TAFA2: variants seen among roughly 807,000 people sequenced by gnomAD.
TAFA2 encodes TAFA chemokine like family member 2, also known as chemokine-like protein TAFA-2.
Under a neutral mutation model 18.8 loss-of-function variants are expected in TAFA2, and 7 were observed. The observed-to-expected ratio is 0.37, with a 90% CI of 0.21 to 0.70. The LOEUF (loss-of-function observed/expected upper bound fraction) is 0.70, where lower values mean the gene tolerates loss of function less well. TAFA2 is among the 30% of genes least tolerant of loss of function. TAFA2 has a pLI of 0.53. For missense variants in TAFA2, 122 were observed against 158.1 expected (o/e 0.77, Z 1.23); for synonymous variants, 60 against 54.2 (o/e 1.11, Z -0.47).
At chr12:61,823,711 C>CTA (rs1425631064) in intron 2 of TAFA2, among the ~76,000 whole-genome samples, 8 of 152,172 alleles carry the variant, frequency 5.3e-5, no homozygotes, top group African/African-American at 1.7e-4. Context: ...CCTTCCCCCT[C>CTA]CAAACCCACC....
chr12:61,781,599 G>C (rs2120886544), intron 2 of TAFA2, among the ~76,000 whole-genome samples: 1 of 151,756 alleles, frequency 6.6e-6, no homozygotes, highest in South Asian at 2.1e-4. Context: ...GTGTTTGTGT[G>C]TGTATGTGTG....
intron 1 of TAFA2, among the ~76,000 whole-genome samples, chr12:62,140,787 T>C (rs2062234437): frequency 6.6e-6 from 1 of 152,040 alleles, no homozygotes; most frequent in African/African-American, 2.4e-5. Flanking sequence ...CAGAAGTAGG[T>C]TTTATGTCCT....
chr12:61,885,929 C>T (rs1020954209), intron 1 of TAFA2, among the ~76,000 whole-genome samples: 2 of 152,024 alleles, frequency 1.3e-5, no homozygotes, highest in African/African-American at 4.8e-5. Context: ...GTTTTTTATT[C>T]CTGTGCACAT....
intron 1 of TAFA2, chr12:62,258,567 T>C (rs148827889): frequency 2.9e-5 from 5 of 171,788 alleles, no homozygotes; most frequent in African/African-American, 1.2e-4. Context: ...ATTCACATAC[T>C]GTACAATTCA....
chr12:61,833,052 A>G (rs1842102120), intron 2 of TAFA2, among the ~76,000 whole-genome samples: 1 of 146,962 alleles, frequency 6.8e-6, no homozygotes, highest in Non-Finnish European at 1.5e-5. Context: ...TATATAATGT[A>G]TAAATAAATA....
At position 62,234,598 on chromosome 12, in the gene TAFA2, C is replaced by T. The variant is rs1459220525; in HGVS notation, c.-130+24165G>A. 2.9e-5 allele frequency: 24 copies of T among 823,056 alleles called. No homozygotes were observed. The Middle Eastern group carries it at 6.6e-4, about 23-fold the overall frequency. 51.0% of individuals were successfully genotyped at this position (823,056 alleles called of 1,614,324 possible). ...GAAGAAAGACCATAAACACCTTTCCCGTTGCACAAATAGGGCCTCTCACCC... is the reference window on the plus strand; with the variant it reads ...GAAGAAAGACCATAAACACCTTTCCTGTTGCACAAATAGGGCCTCTCACCC... On this transcript the variant is annotated intron_variant, in intron 1 of 5. Coordinates refer to the TAFA2 transcript ENST00000551619.
rs141477931 is a variant in TAFA2 at position 61,888,244 on chromosome 12, G to A, written c.-1-20818C>T. Among the ~76,000 whole-genome samples, 674 of 152,230 alleles carry A rather than the reference G, an allele frequency of 4.4e-3. 18 individuals are homozygous for A. The East Asian group carries it at 0.076, about 17-fold the overall frequency. On this transcript the variant is annotated intron_variant, in intron 1 of 4. Transcript: ENST00000416284. ...CCCATTACTGGGTATATACCCAAAG[G>A]ACTATAAATCATGCTGCTAATTGCT...
rs77772787 is a variant in TAFA2, at chr12:62,023,353, A to G, written c.-1-155927T>C. Among the ~76,000 whole-genome samples, 1,185 of 152,268 alleles carry G rather than the reference A, an allele frequency of 7.8e-3. 17 individuals carry two copies. Among genetic ancestry groups the G allele is most frequent in the African/African-American group, 0.027 (1,127 of 41,544 alleles). ...ATAAAAGGTGCAGGAAATTTTTTAT[A>G]CATCTAAATATTTTTTCTGTTAGAT... On this transcript the variant is annotated intron_variant, in intron 1 of 4. Coordinates refer to ENST00000416284, the MANE Select transcript of TAFA2 (RefSeq NM_178539.5).
chr12:62,128,307 T>G (rs945586260), intron 1 of TAFA2, among the ~76,000 whole-genome samples: 3 of 152,094 alleles, frequency 2.0e-5, no homozygotes, highest in African/African-American at 7.2e-5. Context: ...TGCTTGTTAT[T>G]GTTAACTGTG....
chr12:62,232,698 G>C (rs540089151), intron 1 of TAFA2, among the ~76,000 whole-genome samples: 85 of 152,228 alleles, frequency 5.6e-4, no homozygotes, highest in African/African-American at 2.0e-3. Context: ...TTTTAGTAGA[G>C]ATAGGGTTTC....
At chr12:62,112,804 T>C (rs917043748) in intron 1 of TAFA2, among the ~76,000 whole-genome samples, 1 of 152,124 alleles carries the variant, frequency 6.6e-6, no homozygotes, top group East Asian at 1.9e-4. Context: ...CTTCAAGAAG[T>C]TCTCATGCTG....
chr12:62,030,981 C>T (rs909424733), intron 1 of TAFA2, among the ~76,000 whole-genome samples: 1 of 152,090 alleles, frequency 6.6e-6, no homozygotes, highest in African/African-American at 2.4e-5. Flanking sequence ...CTCCTCACTA[C>T]AACCCTTATA....
At chr12:62,088,902 C>CTA (rs1868582819) in intron 1 of TAFA2, among the ~76,000 whole-genome samples, 1 of 129,254 alleles carries the variant, frequency 7.7e-6, no homozygotes, top group African/African-American at 2.6e-5. Context: ...CTCTCTCTCT[C>CTA]TCTATCTCTG....
intron 1 of TAFA2, among the ~76,000 whole-genome samples, chr12:61,901,672 A>G (rs1876106448): frequency 6.6e-6 from 1 of 152,170 alleles, no homozygotes; most frequent in African/African-American, 2.4e-5. Flanking sequence ...TTCAGGTAAG[A>G]TCAGAAGAAG....
At chr12:61,869,938 C>A (rs1874524144) in intron 1 of TAFA2, among the ~76,000 whole-genome samples, 1 of 152,152 alleles carries the variant, frequency 6.6e-6, no homozygotes, top group African/African-American at 2.4e-5. Flanking sequence ...TAGCATAATT[C>A]TTGATAATAG....
chr12:61,874,287 A>T (rs949237533), intron 1 of TAFA2, among the ~76,000 whole-genome samples: 1 of 152,168 alleles, frequency 6.6e-6, no homozygotes, highest in African/African-American at 2.4e-5. Flanking sequence ...TGAAACTTTA[A>T]TCGGTTTCTA....
At chr12:61,982,254 A>T (rs959669415) in intron 1 of TAFA2, among the ~76,000 whole-genome samples, 1 of 152,144 alleles carries the variant, frequency 6.6e-6, no homozygotes, top group Non-Finnish European at 1.5e-5. Context: ...TCACTTGGAC[A>T]CAGGGCAGGG....
chr12:62,160,052 A>G (rs1294818726), intron 1 of TAFA2, among the ~76,000 whole-genome samples: 2 of 152,190 alleles, frequency 1.3e-5, no homozygotes, highest in African/African-American at 4.8e-5. Flanking sequence ...AGTAATGAAC[A>G]TCATCTGCGT....
At chr12:61,994,159 C>T (rs181371906) in intron 1 of TAFA2, among the ~76,000 whole-genome samples, 1 of 152,140 alleles carries the variant, frequency 6.6e-6, no homozygotes, top group Non-Finnish European at 1.5e-5. Flanking sequence ...TTCCACCCCC[C>T]ACTTTAACAT....
Sources: gnomAD v4.1 joint callset for allele counts (sites outside exome capture counted in the v4.1 genomes callset) on GRCh38, gnomAD v4.1.1 for gene constraint, MANE v1.5 for transcripts, NCBI Gene and HGNC (gene_info 2026-07-23, HGNC 2026-07-21) for gene names.